Variants in STXBP5L observed in about 807,000 individuals in gnomAD.
The protein encoded by STXBP5L is syntaxin binding protein 5L, also known as syntaxin-binding protein 5-like.
A neutral mutation model predicts 144.5 loss-of-function variants in STXBP5L; 65 were observed. The observed-to-expected ratio is 0.45, with a 90% CI of 0.37 to 0.55. The LOEUF (loss-of-function observed/expected upper bound fraction) is 0.55, where lower values mean the gene tolerates loss of function less well. STXBP5L is among the 20% of genes least tolerant of loss of function. STXBP5L has a pLI of 0.00. For missense variants in STXBP5L, 1,298 were observed against 1,405.5 expected (o/e 0.92, Z 1.22); for synonymous variants, 505 against 469.6 (o/e 1.08, Z -0.97).
chr3:121,384,930 C>T (rs1173566429), intron 22 of STXBP5L, among the ~76,000 whole-genome samples: 1 of 151,886 alleles, frequency 6.6e-6, no homozygotes, highest in African/African-American at 2.4e-5. Context: ...TTATTTATTT[C>T]TACTTAACTC....
chr3:121,242,667 T>A (rs535870884), intron 14 of STXBP5L, among the ~76,000 whole-genome samples: 108 of 152,202 alleles, frequency 7.1e-4, no homozygotes, highest in African/African-American at 2.5e-3. Context: ...GTCTAAATAC[T>A]TCCATTCAAA....
intron 12 of STXBP5L, among the ~76,000 whole-genome samples, chr3:121,237,223 G>A (rs2049511268): frequency 6.6e-6 from 1 of 152,214 alleles, no homozygotes. Flanking sequence ...CAGCTGCCAA[G>A]CCTCCATGGC....
At chr3:121,176,075 A>G (rs192970198) in intron 9 of STXBP5L, among the ~76,000 whole-genome samples, 1 of 152,202 alleles carries the variant, frequency 6.6e-6, no homozygotes, top group Admixed American at 6.5e-5. Flanking sequence ...ACAAAAATTT[A>G]TAGATCTGAA....
chr3:121,245,314 A>G (rs2049810874), intron 14 of STXBP5L, among the ~76,000 whole-genome samples: 1 of 151,598 alleles, frequency 6.6e-6, no homozygotes, highest in African/African-American at 2.4e-5. Flanking sequence ...AAGGTGCACA[A>G]AAGAAAATGA....
At chr3:121,052,695 A>T (rs1441227188) in intron 5 of STXBP5L, among the ~76,000 whole-genome samples, 4 of 152,106 alleles carry the variant, frequency 2.6e-5, no homozygotes, top group African/African-American at 9.7e-5. Flanking sequence ...CAAGACAGGG[A>T]TGCCCTCTCT....
chr3:121,200,351 C>G (rs748674082), intron 9 of STXBP5L, among the ~76,000 whole-genome samples: 64 of 152,014 alleles, frequency 4.2e-4, no homozygotes, highest in Non-Finnish European at 7.4e-4. Context: ...TTTCTTATTG[C>G]ATCTATTTGA....
At chr3:121,235,372 G>T (rs1303773092) in intron 12 of STXBP5L, among the ~76,000 whole-genome samples, 1 of 151,904 alleles carries the variant, frequency 6.6e-6, no homozygotes, top group South Asian at 2.1e-4. Context: ...AAGCATTAGG[G>T]TTTACAAATT....
At chr3:121,371,935 G>T (rs2046043808) in intron 20 of STXBP5L, among the ~76,000 whole-genome samples, 1 of 152,222 alleles carries the variant, frequency 6.6e-6, no homozygotes, top group South Asian at 2.1e-4. Context: ...ACTGGCAGTA[G>T]TGTCATGACA....
intron 20 of STXBP5L, among the ~76,000 whole-genome samples, chr3:121,323,016 C>A (rs1000037641): frequency 2.8e-4 from 42 of 152,152 alleles, no homozygotes; most frequent in African/African-American, 9.7e-4. Context: ...CTGTTCATGT[C>A]TTTTGCCTAC....
At chr3:121,028,648 C>T (rs1397956841) in intron 3 of STXBP5L, among the ~76,000 whole-genome samples, 1 of 151,926 alleles carries the variant, frequency 6.6e-6, no homozygotes, top group African/African-American at 2.4e-5. Context: ...CTTTGGAGAT[C>T]TTGTATAAGC....
At chr3:121,033,879 A>G (rs1946562608) in intron 3 of STXBP5L, among the ~76,000 whole-genome samples, 1 of 152,086 alleles carries the variant, frequency 6.6e-6, no homozygotes, top group African/African-American at 2.4e-5. Flanking sequence ...AAACTGATTA[A>G]TACATTACTG....
At chr3:121,221,804 G>C (rs1168181410) in intron 10 of STXBP5L, among the ~76,000 whole-genome samples, 1 of 151,436 alleles carries the variant, frequency 6.6e-6, no homozygotes. Context: ...ATTTATGTCA[G>C]AATACTGATA....
At chr3:121,129,056 C>T (rs1488397577) in intron 7 of STXBP5L, among the ~76,000 whole-genome samples, 1 of 151,862 alleles carries the variant, frequency 6.6e-6, no homozygotes, top group African/African-American at 2.4e-5. Flanking sequence ...AATTATGGTC[C>T]TCCAGTTAGA....
chr3:121,345,901 C>T (rs934928166), intron 20 of STXBP5L, among the ~76,000 whole-genome samples: 10 of 151,904 alleles, frequency 6.6e-5, no homozygotes, highest in Non-Finnish European at 2.9e-5. Context: ...ATCTTCAGTA[C>T]CACTGTTAAT....
chr3:121,354,845 A>G (rs959422557), intron 20 of STXBP5L, among the ~76,000 whole-genome samples: 3 of 151,824 alleles, frequency 2.0e-5, no homozygotes, highest in Non-Finnish European at 2.9e-5. Flanking sequence ...GTTTCTTTCC[A>G]TGTTTAGTAC....
Position 121,419,088 on chromosome 3 carries a change from C to A in STXBP5L, c.3480C>A (p.Tyr1160Ter). The stretch of plus-strand genomic sequence containing the variant: ...TGAAATACAAGGATAAGAAATGGTA[C>A]CAATTCTGACTTCTAAAGAAGCTGT... ...LMLKYKDKKW[Y>*]QF Residue 1160 changes from tyrosine (Y) to a stop codon, truncating the protein, a stop_gained, in exon 27 of 27, where the codon TAC becomes TAA. Coordinates refer to ENST00000471454, the MANE Select transcript of STXBP5L (RefSeq NM_001308330.2). LOFTEE classifies it high-confidence loss of function. 6.2e-7 allele frequency: 1 copy of A among 1,610,092 alleles called. No individual in the cohort carries two copies. The highest frequency in any genetic ancestry group is 8.5e-7 in the Non-Finnish European group (1 of 1,178,456).
intron 7 of STXBP5L, among the ~76,000 whole-genome samples, chr3:121,124,472 T>A (rs1180777154): frequency 1.3e-5 from 2 of 152,012 alleles, no homozygotes; most frequent in East Asian, 3.8e-4. Context: ...TATATAACTA[T>A]AAATTTTTTT....
chr3:121,380,284 A>G (rs1168317445), intron 21 of STXBP5L, among the ~76,000 whole-genome samples: 1 of 152,164 alleles, frequency 6.6e-6, no homozygotes, highest in Non-Finnish European at 1.5e-5. Context: ...ATGACAAACA[A>G]TTATTTTTAT....
At chr3:121,015,740 G>C (rs529236792) in intron 3 of STXBP5L, among the ~76,000 whole-genome samples, 35 of 151,984 alleles carry the variant, frequency 2.3e-4, no homozygotes, top group Admixed American at 2.6e-4. Flanking sequence ...TATTTTCCTG[G>C]AAAAAAGGCT....
Sources: allele counts gnomAD v4.1 joint callset (sites outside exome capture counted in the v4.1 genomes callset), GRCh38; gene constraint gnomAD v4.1.1; transcripts MANE v1.5; gene names NCBI Gene and HGNC (gene_info 2026-07-23, HGNC 2026-07-21).